The following DPP10 variants were observed in gnomAD, a reference collection of about 807,000 sequenced individuals.
DPP10 encodes the protein inactive dipeptidyl peptidase 10.
A neutral mutation model predicts 120.9 loss-of-function variants in DPP10; 33 were observed. That is an observed-to-expected ratio of 0.27 (90% CI 0.21 to 0.37). The LOEUF (loss-of-function observed/expected upper bound fraction) is 0.37, where lower values mean the gene tolerates loss of function less well. Among genes scored for constraint, DPP10 ranks in the 10% least tolerant of loss-of-function variants. The probability of loss-of-function intolerance (pLI) is 1.00; values close to 1 mark genes in which losing one functional copy is unlikely to be tolerated. For missense variants in DPP10, 816 were observed against 942.8 expected, an observed-to-expected ratio of 0.87 and a Z score of 1.76; for synonymous variants, 337 against 326.1, an observed-to-expected ratio of 1.03 and a Z score of -0.36.
intron 3 of DPP10, among the ~76,000 whole-genome samples, chr2:115,454,825 A>G (rs2073394648): frequency 6.6e-6 from 1 of 151,682 alleles, no homozygotes; most frequent in Non-Finnish European, 1.5e-5. Flanking sequence ...TGCAGAAAAT[A>G]CAAAGAGATC....
intron 4 of DPP10, among the ~76,000 whole-genome samples, chr2:115,507,026 A>C (rs1437786595): frequency 1.5e-5 from 2 of 130,222 alleles, no homozygotes; most frequent in Non-Finnish European, 3.1e-5. Flanking sequence ...TTACACACAC[A>C]CGCACGCGCA....
intron 1 of DPP10, among the ~76,000 whole-genome samples, chr2:115,251,856 A>G (rs2058766170): frequency 6.6e-6 from 1 of 152,222 alleles, no homozygotes; most frequent in Non-Finnish European, 1.5e-5. Flanking sequence ...ATTTCAAAAT[A>G]GAATTGAGAA....
At chr2:115,677,145 G>A (rs1223692866) in intron 5 of DPP10, among the ~76,000 whole-genome samples, 2 of 152,140 alleles carry the variant, frequency 1.3e-5, no homozygotes, top group Admixed American at 1.3e-4. Flanking sequence ...AGCAAAAATT[G>A]AGGGAATTCA....
chr2:115,566,067 A>G (rs1179859719), intron 5 of DPP10, among the ~76,000 whole-genome samples: 1 of 152,068 alleles, frequency 6.6e-6, no homozygotes, highest in Non-Finnish European at 1.5e-5. Context: ...AGTTACAAAC[A>G]TGAGCCACTG....
chr2:114,977,700 A>G (rs2104832882), intron 1 of DPP10, among the ~76,000 whole-genome samples: 1 of 152,242 alleles, frequency 6.6e-6, no homozygotes, highest in East Asian at 1.9e-4. Context: ...CAATCTCAAG[A>G]GCTATTTTCA....
At chr2:115,793,752 A>G (rs979417036) in intron 19 of DPP10, among the ~76,000 whole-genome samples, 1 of 152,088 alleles carries the variant, frequency 6.6e-6, no homozygotes, top group Non-Finnish European at 1.5e-5. Context: ...ATAGTTATAT[A>G]TTGTTTATAC....
At chr2:115,460,404 CA>C (rs2105065120) in intron 3 of DPP10, among the ~76,000 whole-genome samples, 1 of 152,212 alleles carries the variant, frequency 6.6e-6, no homozygotes, top group South Asian at 2.1e-4. Flanking sequence ...GTGACATTCC[CA>C]TGGGTAAAAA....
intron 5 of DPP10, among the ~76,000 whole-genome samples, chr2:115,616,342 A>G (rs967324957): frequency 1.6e-4 from 25 of 151,964 alleles, no homozygotes; most frequent in Non-Finnish European, 3.4e-4. Flanking sequence ...CTGTTTTCCA[A>G]TTGAGGTAAC....
At chr2:114,761,851 G>A (rs1457159710) in intron 1 of DPP10, among the ~76,000 whole-genome samples, 1 of 152,120 alleles carries the variant, frequency 6.6e-6, no homozygotes, top group Non-Finnish European at 1.5e-5. Context: ...TGAGGGCTCT[G>A]AGAAGACTTC....
intron 3 of DPP10, among the ~76,000 whole-genome samples, chr2:115,463,035 T>G (rs2074088442): frequency 6.6e-6 from 1 of 152,180 alleles, no homozygotes; most frequent in Non-Finnish European, 1.5e-5. Context: ...CAGCCTATAA[T>G]TTTTAATTAA....
intron 1 of DPP10, among the ~76,000 whole-genome samples, chr2:115,042,788 T>C (rs933103777): frequency 2.0e-5 from 3 of 152,240 alleles, no homozygotes; most frequent in African/African-American, 7.2e-5. Flanking sequence ...GTATAGTATC[T>C]GCTCTATGTT....
intron 3 of DPP10, among the ~76,000 whole-genome samples, chr2:115,363,317 A>G (rs920259756): frequency 1.3e-5 from 2 of 152,178 alleles, no homozygotes; most frequent in African/African-American, 4.8e-5. Context: ...CCAAGATCCT[A>G]TTATATTTAA....
chr2:115,781,173 T>C (rs1682723983), intron 16 of DPP10, among the ~76,000 whole-genome samples, 178 bp downstream of exon 16: 1 of 151,808 alleles, frequency 6.6e-6, no homozygotes, highest in Non-Finnish European at 1.5e-5. Flanking sequence ...ATATTTTGTA[T>C]AGAAATAAAA....
At chr2:114,871,804 C>T (rs141539033) in intron 1 of DPP10, among the ~76,000 whole-genome samples, 37 of 152,162 alleles carry the variant, frequency 2.4e-4, no homozygotes, top group South Asian at 2.1e-3. Flanking sequence ...GGTGAACAAG[C>T]GAGCAAACTT....
chr2:114,559,906 A>C (rs976008516), intron 1 of DPP10, among the ~76,000 whole-genome samples: 5 of 151,782 alleles, frequency 3.3e-5, no homozygotes, highest in African/African-American at 1.2e-4. Flanking sequence ...AAAAAAAAAA[A>C]AAAAAACAAA....
intron 5 of DPP10, among the ~76,000 whole-genome samples, chr2:115,675,615 T>TG (rs2090192259): frequency 6.6e-6 from 1 of 152,060 alleles, no homozygotes; most frequent in Non-Finnish European, 1.5e-5. Flanking sequence ...AATAGGTGAG[T>TG]GGGGAATGCC....
At chr2:115,296,373 A>C (rs1205390825) in intron 1 of DPP10, among the ~76,000 whole-genome samples, 1 of 152,036 alleles carries the variant, frequency 6.6e-6, no homozygotes, top group Non-Finnish European at 1.5e-5. Flanking sequence ...GTATTTCGCC[A>C]ATGGCTTTTT....
chr2:114,833,200 A>C (rs1456777525), intron 1 of DPP10: 1 of 152,076 alleles, frequency 6.6e-6, no homozygotes, highest in Non-Finnish European at 1.5e-5. Context: ...AGTCCCTTGA[A>C]AGAAACTAGA....
chr2:115,550,794 C>A (rs1440323729), intron 5 of DPP10, among the ~76,000 whole-genome samples: 1 of 151,976 alleles, frequency 6.6e-6, no homozygotes, highest in Admixed American at 6.6e-5. Flanking sequence ...GTCGGAGAAA[C>A]AATCAAAGAA....
Sources: gnomAD v4.1 joint callset for allele counts (sites outside exome capture counted in the v4.1 genomes callset) on GRCh38, gnomAD v4.1.1 for gene constraint, MANE v1.5 for transcripts, NCBI Gene and HGNC (gene_info 2026-07-23, HGNC 2026-07-21) for gene names.